ARK2C: variants seen among roughly 807,000 people sequenced by gnomAD.
ARK2C encodes arkadia (RNF111) C-terminal like ring finger ubiquitin ligase 2C.
At chr18:46,361,380 A>G in the ARK2C span, among the ~76,000 whole-genome samples, 2 of 152,220 alleles carry the variant, frequency 1.3e-5, no homozygotes, top group Admixed American at 1.3e-4. Context: ...ATGTCTGTGT[A>G]TATATCTGTG....
At chr18:46,348,450 G>A in the ARK2C span, among the ~76,000 whole-genome samples, 2 of 152,200 alleles carry the variant, frequency 1.3e-5, no homozygotes, top group African/African-American at 4.8e-5. Context: ...CTGAGCTAAG[G>A]GCTGAGGGTA....
chr18:46,433,527 G>C, the ARK2C span: 5 of 1,572,832 alleles, frequency 3.2e-6, no homozygotes, highest in Middle Eastern at 5.4e-4. Flanking sequence ...CTGGGGCGGA[G>C]GTGGGGACCC....
At chr18:46,392,288 C>G in the ARK2C span, among the ~76,000 whole-genome samples, 1 of 152,236 alleles carries the variant, frequency 6.6e-6, no homozygotes, top group African/African-American at 2.4e-5. Context: ...CCAAAGACAC[C>G]TGGATGCCCC....
At chr18:46,424,991 C>T in the ARK2C span, among the ~76,000 whole-genome samples, 1 of 152,206 alleles carries the variant, frequency 6.6e-6, no homozygotes, top group Non-Finnish European at 1.5e-5. Context: ...CCTCTCCAGC[C>T]CTGTGGCCGG....
the ARK2C span, among the ~76,000 whole-genome samples, chr18:46,411,823 G>A: frequency 2.0e-5 from 3 of 152,360 alleles, no homozygotes; most frequent in Admixed American, 2.0e-4. Flanking sequence ...AGGAATCACA[G>A]CCTGGGGCTG....
the ARK2C span, chr18:46,447,826 A>T: frequency 1.5e-4 from 148 of 1,017,824 alleles, 1 homozygote; most frequent in East Asian, 1.3e-3. Context: ...CCCGGCTTCC[A>T]CATGACCCAG....
chr18:46,451,922 T>C, the ARK2C span, among the ~76,000 whole-genome samples: 1 of 152,196 alleles, frequency 6.6e-6, no homozygotes, highest in African/African-American at 2.4e-5. Context: ...GTACTGTATG[T>C]TTCCAAATAT....
At chr18:46,441,265 T>C in the ARK2C span, among the ~76,000 whole-genome samples, 1 of 152,222 alleles carries the variant, frequency 6.6e-6, no homozygotes, top group African/African-American at 2.4e-5. Context: ...GTGCTGGGAT[T>C]ACAGGTGTGA....
the ARK2C span, among the ~76,000 whole-genome samples, chr18:46,452,439 C>A: frequency 6.6e-6 from 1 of 151,858 alleles, no homozygotes; most frequent in South Asian, 2.1e-4. Context: ...GCCACCACAC[C>A]CAGCTAATTT....
At chr18:46,461,523 T>A in the ARK2C span, 2 of 151,980 alleles carry the variant, frequency 1.3e-5, no homozygotes, top group African/African-American at 4.8e-5. Context: ...TAGGCGTCTG[T>A]AATCCCAGCT....
the ARK2C span, among the ~76,000 whole-genome samples, chr18:46,442,639 G>A: frequency 6.6e-6 from 1 of 152,088 alleles, no homozygotes; most frequent in African/African-American, 2.4e-5. Context: ...TTATTGGATA[G>A]AGTATTCTAT....
the ARK2C span, chr18:46,334,238 C>A: frequency 1.4e-6 from 2 of 1,414,978 alleles, no homozygotes; most frequent in Admixed American, 2.5e-5. The surrounding 1 kb of genome is among the most constrained non-coding windows in gnomAD (Gnocchi z 4.4). Flanking sequence ...AGGGCCCGCG[C>A]GCAGCCGCCG....
the ARK2C span, among the ~76,000 whole-genome samples, chr18:46,394,130 G>A: frequency 6.6e-6 from 1 of 152,196 alleles, no homozygotes; most frequent in Non-Finnish European, 1.5e-5. Flanking sequence ...TCACTTGGAT[G>A]CAAGTGACTA....
chr18:46,424,551 C>G, the ARK2C span, among the ~76,000 whole-genome samples: 1 of 152,222 alleles, frequency 6.6e-6, no homozygotes, highest in African/African-American at 2.4e-5. Context: ...CTCTGTCCAG[C>G]TCTAGGACCC....
chr18:46,351,000 C>T, the ARK2C span, among the ~76,000 whole-genome samples: 114,239 of 151,988 alleles, frequency 0.75, 45,650 homozygotes, highest in East Asian at 0.99. Flanking sequence ...TCATGGCAGA[C>T]GCCAGCAGCG....
the ARK2C span, among the ~76,000 whole-genome samples, chr18:46,381,448 C>G: frequency 0.41 from 63,028 of 152,056 alleles, 13,337 homozygotes; most frequent in Middle Eastern, 0.56. Flanking sequence ...TCACCCAGTG[C>G]TCTCAGGGAC....
At chr18:46,385,020 C>T in the ARK2C span, among the ~76,000 whole-genome samples, 5 of 152,196 alleles carry the variant, frequency 3.3e-5, no homozygotes, top group Non-Finnish European at 7.3e-5. Context: ...TTCCCTCCCC[C>T]TCAAAGATTT....
At chr18:46,447,745 T>C in the ARK2C span, 2 of 1,610,986 alleles carry the variant, frequency 1.2e-6, no homozygotes, top group South Asian at 2.2e-5. Context: ...AGTGGTGGTC[T>C]GAGGCCTGCG....
the ARK2C span, among the ~76,000 whole-genome samples, chr18:46,426,780 T>C: frequency 6.6e-6 from 1 of 152,232 alleles, no homozygotes; most frequent in Admixed American, 6.5e-5. Context: ...TCATAATGGG[T>C]CTTTCAACTG....
Sources: allele counts gnomAD v4.1 joint callset (sites outside exome capture counted in the v4.1 genomes callset), GRCh38; gene constraint gnomAD v4.1.1; non-coding constraint Gnocchi (gnomAD v3.1); transcripts MANE v1.5; gene names NCBI Gene and HGNC (gene_info 2026-07-23, HGNC 2026-07-21).